Variants in SLC25A21 observed in about 807,000 individuals in gnomAD.
SLC25A21 encodes the protein solute carrier family 25 member 21.
Under a neutral mutation model 43.8 loss-of-function variants are expected in SLC25A21, and 47 were observed. The observed-to-expected ratio is 1.07, with a 90% CI of 0.85 to 1.37. The LOEUF is 1.37. SLC25A21 is among the 40% of genes most tolerant of loss of function. The pLI is 0.00. For synonymous variants in SLC25A21, 131 were observed against 121.3 expected (o/e 1.08, Z -0.52); for missense variants, 352 against 350.2 (o/e 1.00, Z -0.04).
In SLC25A21 at chr14:37,128,674, C is replaced by T. The variant is rs568778960; in HGVS notation, c.70+43607G>A. On this transcript the variant is annotated intron_variant, in intron 1 of 9. Transcript: ENST00000331299. ...CATGGCTCACTGCAGCCTTGACCTC[C>T]ACCACCAGGCTCAGGTGATCCTCCC... Among the ~76,000 whole-genome samples the T allele has an allele frequency of 9.9e-5, 15 of 151,886 alleles. No individual in the cohort carries two copies. In the East Asian group the frequency reaches 2.0e-3, roughly 20 times the overall value.
At chr14:37,150,867 G>A (rs898556392) in intron 1 of SLC25A21, among the ~76,000 whole-genome samples, 7 of 152,136 alleles carry the variant, frequency 4.6e-5, no homozygotes, top group Admixed American at 4.6e-4. Context: ...CTACAATCAT[G>A]CCCCAAAATG....
chr14:36,790,273 C>T (rs1223616781), intron 3 of SLC25A21, among the ~76,000 whole-genome samples: 2 of 151,856 alleles, frequency 1.3e-5, no homozygotes, highest in Admixed American at 1.3e-4. Context: ...CATAATAAAT[C>T]ATCATCAAAG....
intron 1 of SLC25A21, among the ~76,000 whole-genome samples, chr14:36,944,782 C>G (rs1461628582): frequency 6.6e-6 from 1 of 152,102 alleles, no homozygotes; most frequent in Non-Finnish European, 1.5e-5. Flanking sequence ...ATGAGCCTTA[C>G]CTCAAAAGCC....
chr14:36,852,780 T>C (rs1889782210), intron 2 of SLC25A21, among the ~76,000 whole-genome samples: 1 of 152,214 alleles, frequency 6.6e-6, no homozygotes, highest in South Asian at 2.1e-4. Context: ...GTTACTCTAA[T>C]AGTTCCAAGA....
At chr14:36,748,681 T>C (rs1885590121) in intron 3 of SLC25A21, among the ~76,000 whole-genome samples, 1 of 152,220 alleles carries the variant, frequency 6.6e-6, no homozygotes, top group East Asian at 1.9e-4. Flanking sequence ...AGGGCTTAGT[T>C]TGTGGACTTT....
In SLC25A21 at chr14:36,711,408, T is replaced by A; in HGVS notation, c.513A>T (p.Gly171=). The change falls in exon 7 of 10, where the codon GGA becomes GGT. Residue 171 remains glycine, a synonymous_variant. Transcript: ENST00000331299. ...EGWGLQGLNK[G]LTATLGRHGV... is the part of the protein sequence containing the mutation. ...CATGTCGTCCCAAAGTTGCAGTTAA[T>A]CCTTTGTTGAGGCCCTGGAGTCCCC... The A allele has an allele frequency of 1.2e-6, 2 of 1,614,172 alleles. No individual in the cohort carries two copies.
chr14:36,689,764 T>C (rs1290261853), intron 7 of SLC25A21, among the ~76,000 whole-genome samples: 1 of 152,212 alleles, frequency 6.6e-6, no homozygotes, highest in Non-Finnish European at 1.5e-5. Flanking sequence ...AATCTGGGAA[T>C]GGAGCCCAGC....
rs1555326633 is a variant in SLC25A21, at chr14:36,764,143, G to GGAAAGAAGGAAA, written c.204-29571_204-29570insTTTCCTTCTTTC. Among the ~76,000 whole-genome samples the GGAAAGAAGGAAA allele has an allele frequency of 2.0e-3, 67 of 33,818 alleles. 1 individual carries two copies. The highest frequency in any genetic ancestry group is 5.7e-3 in the African/African-American group (52 of 9,196). 22.2% of individuals were successfully genotyped at this position (33,818 alleles called of 152,430 possible). A position where few individuals can be genotyped will look rare whatever the true frequency, so the allele number is the denominator to read the frequency against. Reference sequence around the variant, plus strand: ...AGGAAAGAAGGAAAGAAGGAAAGAAGGAAAGAAAGAAAGAAAGAAAGAAAG... The same window carrying GGAAAGAAGGAAA: ...AGGAAAGAAGGAAAGAAGGAAAGAAGGAAAGAAGGAAAGAAAGAAAGAAAGAAAGAAAGAAAG... On this transcript the variant is annotated intron_variant, in intron 3 of 9. Transcript: ENST00000331299.
chr14:37,000,512 T>G (rs573200911), intron 1 of SLC25A21, among the ~76,000 whole-genome samples: 63 of 152,264 alleles, frequency 4.1e-4, no homozygotes, highest in African/African-American at 9.9e-4. Flanking sequence ...ATACATCCAT[T>G]GCCACCTGCA....
chr14:36,904,971 C>T (rs903781266), intron 1 of SLC25A21, among the ~76,000 whole-genome samples: 2 of 152,110 alleles, frequency 1.3e-5, no homozygotes, highest in African/African-American at 2.4e-5. Context: ...GCAAAACTGG[C>T]CCAGGTAAAC....
intron 1 of SLC25A21, among the ~76,000 whole-genome samples, chr14:37,046,961 A>C (rs989380694): frequency 1.3e-5 from 2 of 152,188 alleles, no homozygotes; most frequent in African/African-American, 4.8e-5. Flanking sequence ...TGGCATCCGG[A>C]ACATTTGTCC....
At chr14:37,099,126 C>G (rs1178066974) in intron 1 of SLC25A21, among the ~76,000 whole-genome samples, 2 of 152,028 alleles carry the variant, frequency 1.3e-5, no homozygotes, top group South Asian at 4.1e-4. Flanking sequence ...TTTTTAACCT[C>G]TGGAATTGAG....
intron 1 of SLC25A21, among the ~76,000 whole-genome samples, chr14:37,086,887 A>T (rs1962496723): frequency 6.6e-6 from 1 of 152,194 alleles, no homozygotes; most frequent in Non-Finnish European, 1.5e-5. Context: ...AATCTCATAC[A>T]TTTTAATGTA....
At chr14:36,860,550 A>C (rs1372194266) in intron 2 of SLC25A21, among the ~76,000 whole-genome samples, 1 of 151,060 alleles carries the variant, frequency 6.6e-6, no homozygotes, top group East Asian at 1.9e-4. Flanking sequence ...TGTTAATTAC[A>C]CTCCCCCTGG....
chr14:36,976,288 G>A (rs1171121880), intron 1 of SLC25A21, among the ~76,000 whole-genome samples: 1 of 152,102 alleles, frequency 6.6e-6, no homozygotes, highest in Non-Finnish European at 1.5e-5. Context: ...ACACGTTATA[G>A]GAGAACAAAT....
chr14:36,731,972 A>C (rs1235878946), intron 4 of SLC25A21, among the ~76,000 whole-genome samples: 2 of 151,956 alleles, frequency 1.3e-5, no homozygotes, highest in South Asian at 2.1e-4. Context: ...CACAGGGCTC[A>C]TTTCATTTGT....
chr14:36,686,639 T>C (rs1442761647), intron 7 of SLC25A21, among the ~76,000 whole-genome samples: 3 of 152,254 alleles, frequency 2.0e-5, no homozygotes, highest in Non-Finnish European at 4.4e-5. Flanking sequence ...AGTATTATTA[T>C]GTAGCCTGTT....
intron 1 of SLC25A21, among the ~76,000 whole-genome samples, chr14:37,070,513 T>C (rs1962149311): frequency 6.6e-6 from 1 of 152,170 alleles, no homozygotes; most frequent in Admixed American, 6.5e-5. Flanking sequence ...TTCTCAGTCT[T>C]CTTCCTTTGT....
intron 6 of SLC25A21, among the ~76,000 whole-genome samples, chr14:36,715,784 A>C (rs886557803): frequency 6.6e-6 from 1 of 152,240 alleles, no homozygotes; most frequent in Non-Finnish European, 1.5e-5. Flanking sequence ...AAAGTTATTA[A>C]GAGGTTTAAT....
Sources: gnomAD v4.1 joint callset for allele counts (sites outside exome capture counted in the v4.1 genomes callset) on GRCh38, gnomAD v4.1.1 for gene constraint, MANE v1.5 for transcripts, NCBI Gene and HGNC (gene_info 2026-07-23, HGNC 2026-07-21) for gene names.